Variants in CFAP100 observed in about 807,000 individuals in gnomAD.
CFAP100 encodes the protein cilia and flagella associated protein 100.
Under a neutral mutation model 81.5 loss-of-function variants are expected in CFAP100, and 70 were observed. The ratio of observed to expected loss-of-function variants is 0.86; its 90% CI spans 0.71 to 1.05. The LOEUF is 1.05. CFAP100 is among the 50% of genes least tolerant of loss of function. CFAP100 has a pLI of 0.00. For synonymous variants in CFAP100, 341 were observed against 314.8 expected, an observed-to-expected ratio of 1.08 and a Z score of -0.88; for missense variants, 811 against 776.5, an observed-to-expected ratio of 1.04 and a Z score of -0.53.
At chr3:126,427,277 G>T (rs1252435317) in intron 13 of CFAP100, among the ~76,000 whole-genome samples, 3 of 152,180 alleles carry the variant, frequency 2.0e-5, no homozygotes, top group Non-Finnish European at 4.4e-5. Context: ...TAATGAAGAT[G>T]GTGTTTGGTA....
In CFAP100 at chr3:126,433,183, C is replaced by A. The variant is rs758277920; in HGVS notation, c.1401C>A (p.Gly467=). The change falls in exon 14 of 17, where the codon GGC becomes GGA. Residue 467 remains glycine (G), a synonymous_variant. Coordinates refer to ENST00000352312, the MANE Select transcript of CFAP100 (RefSeq NM_182628.3). ...TCAAAGCCCGAGTCTTCCACTTCGG[C>A]GAGTACAAGGGCGATCAGCAGGTAG... ...LELKARVFHF[G]EYKGDQQDKL... The A allele has an allele frequency of 1.9e-6, 3 of 1,614,026 alleles. No individual in the cohort carries two copies. Among genetic ancestry groups the A allele is most frequent in the Non-Finnish European group, 2.5e-6 (3 of 1,180,010 alleles).
intron 13 of CFAP100, among the ~76,000 whole-genome samples, chr3:126,424,218 A>G (rs1000163692): frequency 4.6e-5 from 7 of 152,210 alleles, no homozygotes; most frequent in African/African-American, 1.7e-4. Context: ...GCACGAGGAC[A>G]TGGGCATGGC....
intron 2 of CFAP100, among the ~76,000 whole-genome samples, chr3:126,405,685 A>G (rs73206887): frequency 0.13 from 19,084 of 152,094 alleles, 1,266 homozygotes; most frequent in South Asian, 0.21. Flanking sequence ...TAAATAAATA[A>G]AATGTATATA....
Position 126,419,771 on chromosome 3 carries a change from C to G in CFAP100, c.866C>G (p.Ser289Cys). Residue 289 changes from serine to cysteine, a missense_variant, in exon 9 of 17, where the codon TCC (serine) becomes TGC (cysteine). Ser to Cys is a moderately radical substitution (Grantham distance 112). Coordinates refer to ENST00000352312, the MANE Select transcript of CFAP100 (RefSeq NM_182628.3). ...TTTCTCAAAAAGGCCAAGGAGGTCTCCGAGGCTTCCAAAGAGAGCAGTGTT... is the reference window on the plus strand; with the variant it reads ...TTTCTCAAAAAGGCCAAGGAGGTCTGCGAGGCTTCCAAAGAGAGCAGTGTT... ...HSFLKKAKEVSEASKESSVNS... is the reference protein window; with the variant it reads ...HSFLKKAKEVCEASKESSVNS... 1 of 1,613,992 alleles carries G rather than the reference C, an allele frequency of 6.2e-7. No homozygotes were observed.
At position 126,434,381 on chromosome 3, in the gene CFAP100, G is replaced by C. The variant is rs1933361336; in HGVS notation, c.1628G>C (p.Arg543Thr). Residue 543 changes from arginine (R) to threonine (T), a missense_variant and splice_region_variant, in exon 15 of 17, where the codon AGA (arginine) becomes ACA (threonine). Coordinates refer to ENST00000352312, the MANE Select transcript of CFAP100 (RefSeq NM_182628.3). ...ERAKEKERRI[R>T]LREEKLQMQK... Reference sequence around the variant, plus strand: ...GCAAAGGAGAAGGAGCGGCGCATCAGGTGAGCTCTAGGCTCTCCCTGCCAG... The same window carrying C: ...GCAAAGGAGAAGGAGCGGCGCATCACGTGAGCTCTAGGCTCTCCCTGCCAG... 3 of 1,611,886 alleles carry C rather than the reference G, an allele frequency of 1.9e-6. No individual in the cohort carries two copies. The highest frequency in any genetic ancestry group is 3.3e-5 in the Admixed American group (2 of 59,864).
chr3:126,401,082 A>G (rs979864594), intron 2 of CFAP100, among the ~76,000 whole-genome samples: 3 of 152,064 alleles, frequency 2.0e-5, no homozygotes, highest in African/African-American at 7.2e-5. Context: ...TTAGCCAAAC[A>G]CAAAAAGACA....
intron 2 of CFAP100, among the ~76,000 whole-genome samples, chr3:126,400,615 G>A (rs1289113149): frequency 6.6e-6 from 1 of 152,172 alleles, no homozygotes; most frequent in Non-Finnish European, 1.5e-5. Flanking sequence ...AACCGGGCAT[G>A]GTGGCGGGCA....
At chr3:126,410,587 G>A (rs755875789) in intron 3 of CFAP100, among the ~76,000 whole-genome samples, 10 of 151,510 alleles carry the variant, frequency 6.6e-5, no homozygotes, top group African/African-American at 9.7e-5. Flanking sequence ...CTGCAGCCTC[G>A]ACCTCCTGGG....
intron 2 of CFAP100, among the ~76,000 whole-genome samples, chr3:126,399,844 C>T (rs2082944422): frequency 6.6e-6 from 1 of 152,150 alleles, no homozygotes; most frequent in Non-Finnish European, 1.5e-5. Flanking sequence ...CTCCAGCCTG[C>T]AGCAGGCAGC....
rs1320553881 is a variant in CFAP100, at chr3:126,418,774, C to A, written c.650C>A (p.Ala217Glu). 1.9e-6 allele frequency: 3 copies of A among 1,584,156 alleles called. No homozygotes were observed. The highest frequency in any genetic ancestry group is 1.7e-6 in the Non-Finnish European group (2 of 1,167,988). Residue 217 changes from alanine to glutamate, a missense_variant and splice_region_variant, in exon 7 of 17, where the codon GCG (alanine) becomes GAG (glutamate). Transcript: ENST00000352312. ...TGCAGCTCCGTGCAGGCCATGAGAG[C>A]GTGAGCCTGCGGGCCCGAGGGGCTG... ...NDCSSVQAMR[A>E]AEKETKAKIE...
rs745879310 is a variant in CFAP100, at chr3:126,396,034, A to C, written c.34A>C (p.Asn12His). Residue 12 changes from asparagine (N) to histidine (H), a missense_variant, in exon 2 of 17, where the codon AAC becomes CAC. By Grantham distance (68) the Asn-to-His change is moderately conservative (BLOSUM62 1). Coordinates refer to ENST00000352312, the MANE Select transcript of CFAP100 (RefSeq NM_182628.3). ...GATACCGTCCACTATAGTCTCCAAG[A>C]ACATGACCAATGACAGTAAGTACCG... ...SEIPSTIVSKNMTNDKNSLES... is the reference protein window; with the variant it reads ...SEIPSTIVSKHMTNDKNSLES... 3.2e-5 allele frequency: 52 copies of C among 1,613,968 alleles called. No homozygotes were observed. The highest frequency in any genetic ancestry group is 4.2e-5 in the Non-Finnish European group (50 of 1,179,954).
chr3:126,421,711 C>T (rs529636184), intron 11 of CFAP100, among the ~76,000 whole-genome samples: 3 of 152,380 alleles, frequency 2.0e-5, no homozygotes, highest in African/African-American at 7.2e-5. Context: ...CCAACATCAG[C>T]CTCCCATGGC....
chr3:126,420,373 C>T (rs140878997), intron 11 of CFAP100, 144 bp downstream of exon 11: 105 of 1,209,620 alleles, frequency 8.7e-5, no homozygotes, highest in East Asian at 7.2e-4. Flanking sequence ...CAGACAGGGA[C>T]GTCCCAGGCC....
chr3:126,429,107 CAAAA>C (rs57773311), intron 13 of CFAP100, among the ~76,000 whole-genome samples: 2,710 of 95,306 alleles, frequency 0.028, 19 homozygotes, highest in African/African-American at 0.07. Context: ...CGTCTCCATC[CAAAA>C]AAAAAAAAAA....
intron 7 of CFAP100, 36 bp from the exon 8 acceptor site, chr3:126,419,040 G>GGCCCCCC: frequency 2.5e-6 from 2 of 801,164 alleles, no homozygotes; most frequent in Non-Finnish European, 2.1e-6. Context: ...CTGGCCCCTT[G>GGCCCCCC]CCCCCATCCC....
chr3:126,414,781 T>A (rs1560069600), intron 4 of CFAP100, among the ~76,000 whole-genome samples: 1 of 152,236 alleles, frequency 6.6e-6, no homozygotes, highest in Admixed American at 6.5e-5. Context: ...AGCCCACTCT[T>A]GCTGCCTTGG....
At chr3:126,432,282 C>CAAAAAAA (rs58421889) in intron 13 of CFAP100, among the ~76,000 whole-genome samples, 5 of 76,738 alleles carry the variant, frequency 6.5e-5, no homozygotes, top group African/African-American at 1.2e-4. Flanking sequence ...GACTCCGTCT[C>CAAAAAAA]AAAAAAAAAA....
chr3:126,419,510 T>A (rs2083294763), intron 8 of CFAP100, 127 bp from the exon 9 acceptor site: 1 of 840,102 alleles, frequency 1.2e-6, no homozygotes, highest in South Asian at 1.7e-5. Context: ...TTCCTGCACC[T>A]TTTCTCAAGG....
At position 126,423,513 on chromosome 3, in the gene CFAP100, G is replaced by C; in HGVS notation, c.1155G>C (p.Thr385=). The C allele has an allele frequency of 6.2e-7, 1 of 1,614,046 alleles. No homozygotes were observed. The highest frequency in any genetic ancestry group is 8.5e-7 in the Non-Finnish European group (1 of 1,180,016). ...SDGEEPQLYF[T]EPQQLLDVFR... Reference sequence around the variant, plus strand: ...TGCAGGAACCACAGCTGTACTTCACGGAGCCCCAGCAGCTCCTGGATGTCT... The same window carrying C: ...TGCAGGAACCACAGCTGTACTTCACCGAGCCCCAGCAGCTCCTGGATGTCT... Residue 385 remains threonine (T), a synonymous_variant, in exon 13 of 17, where the codon ACG becomes ACC. Coordinates refer to ENST00000352312, the MANE Select transcript of CFAP100 (RefSeq NM_182628.3).
Sources: gnomAD v4.1 joint callset for allele counts (sites outside exome capture counted in the v4.1 genomes callset) on GRCh38, gnomAD v4.1.1 for gene constraint, MANE v1.5 for transcripts, NCBI Gene and HGNC (gene_info 2026-07-23, HGNC 2026-07-21) for gene names.